The following SLC15A1 variants were observed in gnomAD, a reference collection of about 807,000 sequenced individuals.
The protein encoded by SLC15A1 is solute carrier family 15 member 1.
In SLC15A1, 83 loss-of-function variants were observed where a neutral mutation model predicts 92.9. The ratio of observed to expected loss-of-function variants is 0.89; its 90% CI spans 0.75 to 1.07. The LOEUF (loss-of-function observed/expected upper bound fraction) is 1.07, where lower values mean the gene tolerates loss of function less well. SLC15A1 is among the 50% of genes least tolerant of loss of function. The probability of loss-of-function intolerance (pLI) is 0.00; values close to 1 mark genes in which losing one functional copy is unlikely to be tolerated. For missense variants in SLC15A1, 857 were observed against 880.1 expected (o/e 0.97, Z 0.33); for synonymous variants, 322 against 318.2 (o/e 1.01, Z -0.13).
Position 98,686,171 on chromosome 13 carries a change from C to G in SLC15A1, c.1935+19G>C. Reference sequence around the variant, plus strand: ...CAGGAAAGACAGAGGTATGTGCAATCTCCTCTCCCACGCCATACCTGTTTG... The same window carrying G: ...CAGGAAAGACAGAGGTATGTGCAATGTCCTCTCCCACGCCATACCTGTTTG... On this transcript the variant is annotated intron_variant, in intron 22 of 22. Coordinates refer to ENST00000376503, the MANE Select transcript of SLC15A1 (RefSeq NM_005073.4). 1.9e-6 allele frequency: 3 copies of G among 1,570,126 alleles called. No homozygotes were observed. The highest frequency in any genetic ancestry group is 3.4e-5 in the Admixed American group (2 of 59,656).
intron 18 of SLC15A1, among the ~76,000 whole-genome samples, chr13:98,692,050 G>T (rs1485440385): frequency 6.7e-6 from 1 of 149,472 alleles, no homozygotes; most frequent in Non-Finnish European, 1.5e-5. Context: ...TCCAGCCTAG[G>T]CAACAAGAGC....
chr13:98,748,430 A>G (rs2088513670), intron 1 of SLC15A1, among the ~76,000 whole-genome samples: 1 of 152,138 alleles, frequency 6.6e-6, no homozygotes, highest in African/African-American at 2.4e-5. Context: ...AGCTGGGACT[A>G]GAGGTGCGCA....
intron 2 of SLC15A1, 60 bp from the exon 3 acceptor site, chr13:98,726,509 A>G: frequency 2.0e-6 from 3 of 1,486,500 alleles, no homozygotes; most frequent in African/African-American, 1.4e-5. Flanking sequence ...CATAGCCACA[A>G]AGGAGCACCA....
rs760486300 is a variant in SLC15A1, at chr13:98,688,480, GA to G, written c.1563del (p.Pro522LeufsTer4). ...AGTCTCGGTACTTACATGCCAGAAG[GA>G]AAAAACTGGTATGTGCTGGCATTGT... The part of the protein sequence containing the change: ...SSYNASTYQF[F>X]PSGIKGFTIS... On this transcript the variant is annotated frameshift_variant, in exon 19 of 23. Transcript: ENST00000376503. LOFTEE classifies it high-confidence loss of function. 6.2e-7 allele frequency: 1 copy of G among 1,613,606 alleles called. No individual in the cohort carries two copies. The highest frequency in any genetic ancestry group is 8.5e-7 in the Non-Finnish European group (1 of 1,179,750).
At position 98,724,112 on chromosome 13, in the gene SLC15A1, C is replaced by A. The variant is rs974655522; in HGVS notation, c.246-81G>T. 5.8e-6 allele frequency: 9 copies of A among 1,561,924 alleles called. No individual in the cohort carries two copies. The African/African-American group carries it at 9.5e-5, about 16-fold the overall frequency. On this transcript the variant is annotated intron_variant, in intron 4 of 22. Transcript: ENST00000376503. ...TTGACTCCACCACAAAAGACCCCCT[C>A]CTTGAAAGCTTTCAAGAGCCCAATC...
chr13:98,720,759 A>G (rs2088250543), intron 7 of SLC15A1: 1 of 230,892 alleles, frequency 4.3e-6, no homozygotes, highest in African/African-American at 2.3e-5. Flanking sequence ...AAAGAAAAAA[A>G]CTTTGCCTTA....
rs548736770 is a variant in SLC15A1 at position 98,735,025 on chromosome 13, A to C, written c.5-8166T>G. 1.8e-3 allele frequency among the ~76,000 whole-genome samples: 281 copies of C among 152,336 alleles called. 2 individuals carry two copies. The highest frequency in any genetic ancestry group is 6.6e-3 in the African/African-American group (276 of 41,588). ...TGATACCAAAGTCTGGCAGAGACACAACAAATAAAGAGAATTTTAGACCAA... is the reference window on the plus strand; with the variant it reads ...TGATACCAAAGTCTGGCAGAGACACCACAAATAAAGAGAATTTTAGACCAA... On this transcript the variant is annotated intron_variant, in intron 1 of 22. Transcript: ENST00000376503.
At chr13:98,729,092 G>A (rs1388126453) in intron 1 of SLC15A1, among the ~76,000 whole-genome samples, 1 of 150,718 alleles carries the variant, frequency 6.6e-6, no homozygotes, top group Non-Finnish European at 1.5e-5. Flanking sequence ...GGTTTGAGGT[G>A]ACGGATATTC....
At chr13:98,731,554 A>G (rs2088350808) in intron 1 of SLC15A1, among the ~76,000 whole-genome samples, 2 of 151,934 alleles carry the variant, frequency 1.3e-5, no homozygotes, top group Admixed American at 6.5e-5. Flanking sequence ...AGCAGGAGCG[A>G]GCTCTGAAAA....
chr13:98,693,257 C>G (rs9584908), intron 18 of SLC15A1, among the ~76,000 whole-genome samples: 1 of 151,894 alleles, frequency 6.6e-6, no homozygotes, highest in African/African-American at 2.4e-5. Flanking sequence ...GCCACCATGC[C>G]CAGCTAATTT....
Position 98,684,770 on chromosome 13 carries a change from C to T in SLC15A1, c.2081G>A (p.Ser694Asn). 4.3e-6 allele frequency: 7 copies of T among 1,614,068 alleles called. No homozygotes were observed. The highest frequency in any genetic ancestry group is 5.9e-6 in the Non-Finnish European group (7 of 1,180,020). ...EDEKKNRLEKSNPYFMSGANS... is the reference protein window; with the variant it reads ...EDEKKNRLEKNNPYFMSGANS... ...GGCCCCTGACATGAAATATGGGTTA[C>T]TCTTTTCCAGTCTGTTTTTCTTTTC... The change falls in exon 23 of 23, where the codon AGT becomes AAT. Residue 694 changes from serine to asparagine, a missense_variant. By Grantham distance (46) the Ser-to-Asn change is conservative. Coordinates refer to ENST00000376503, the MANE Select transcript of SLC15A1 (RefSeq NM_005073.4).
Position 98,721,865 on chromosome 13 carries a change from C to G in SLC15A1, c.404G>C (p.Gly135Ala). ...CACACAGGGTTTGATTCCTCCAGTC[C>G]CGAGAGCTATCAGGGCCAGGCCGAT... is the stretch of plus-strand genomic sequence containing the variant. ...SLIGLALIAL[G>A]TGGIKPCVSA... The change falls in exon 6 of 23, where the codon GGG becomes GCG. Residue 135 changes from glycine to alanine, a missense_variant. Coordinates refer to ENST00000376503, the MANE Select transcript of SLC15A1 (RefSeq NM_005073.4). 6.2e-7 allele frequency: 1 copy of G among 1,614,038 alleles called. No homozygotes were observed. Among genetic ancestry groups the G allele is most frequent in the Non-Finnish European group, 8.5e-7 (1 of 1,180,012 alleles).
intron 20 of SLC15A1, 126 bp downstream of exon 20, chr13:98,688,122 A>T (rs1315044461): frequency 3.0e-6 from 2 of 664,892 alleles, no homozygotes; most frequent in Non-Finnish European, 5.1e-6. Flanking sequence ...AATTAATTCT[A>T]AGCCCATTTA....
intron 1 of SLC15A1, among the ~76,000 whole-genome samples, chr13:98,733,566 C>G (rs1421538905): frequency 1.3e-5 from 2 of 152,160 alleles, no homozygotes; most frequent in East Asian, 3.9e-4. Flanking sequence ...GTTGGTCCCA[C>G]AAAAGCCCCA....
Position 98,732,273 on chromosome 13 carries a change from G to A in SLC15A1, c.5-5414C>T, listed in dbSNP as rs546258009. ...GGTCCCTTGTGTTGAACTATGATCAGAGCCAAACCCAGCTTAGAATCTGGA... is the reference window on the plus strand; with the variant it reads ...GGTCCCTTGTGTTGAACTATGATCAAAGCCAAACCCAGCTTAGAATCTGGA... On this transcript the variant is annotated intron_variant, in intron 1 of 22. Coordinates refer to ENST00000376503, the MANE Select transcript of SLC15A1 (RefSeq NM_005073.4). Among the ~76,000 whole-genome samples, 5 of 152,272 alleles carry A rather than the reference G, an allele frequency of 3.3e-5. No individual in the cohort carries two copies. The East Asian group carries it at 9.6e-4, about 29-fold the overall frequency.
At position 98,728,996 on chromosome 13, in the gene SLC15A1, A is replaced by AC. The variant is rs1330443995; in HGVS notation, c.5-2138_5-2137insG. On this transcript the variant is annotated intron_variant, in intron 1 of 22. Coordinates refer to ENST00000376503, the MANE Select transcript of SLC15A1 (RefSeq NM_005073.4). ...GCTCTGTAAAAAAAAAAAAAAAAAA[A>AC]AAAAAAAAAACAACAAGCCCCAAAA... Among the ~76,000 whole-genome samples the AC allele has an allele frequency of 6.9e-3, 1,008 of 146,454 alleles. 22 individuals are homozygous for AC. The highest frequency in any genetic ancestry group is 0.012 in the Non-Finnish European group (788 of 66,462).
At chr13:98,714,271 T>A (rs1438838308) in intron 9 of SLC15A1, among the ~76,000 whole-genome samples, 2 of 152,054 alleles carry the variant, frequency 1.3e-5, no homozygotes, top group African/African-American at 4.8e-5. Flanking sequence ...AGTTCTAATG[T>A]GAGAAGAAAA....
chr13:98,688,019 G>C (rs2087944421), intron 20 of SLC15A1, among the ~76,000 whole-genome samples: 1 of 152,204 alleles, frequency 6.6e-6, no homozygotes, highest in Non-Finnish European at 1.5e-5. Flanking sequence ...GGAGGCATCA[G>C]ATATTGGTTA....
intron 1 of SLC15A1, among the ~76,000 whole-genome samples, chr13:98,735,821 A>G (rs1188303009): frequency 6.6e-6 from 1 of 152,188 alleles, no homozygotes; most frequent in Non-Finnish European, 1.5e-5. Context: ...ACCACAAACC[A>G]CTGCTCAATG....
Sources: gnomAD v4.1 joint callset for allele counts (sites outside exome capture counted in the v4.1 genomes callset) on GRCh38, gnomAD v4.1.1 for gene constraint, MANE v1.5 for transcripts, NCBI Gene and HGNC (gene_info 2026-07-23, HGNC 2026-07-21) for gene names.